ARMH4: variants seen among roughly 807,000 people sequenced by gnomAD.
The protein encoded by ARMH4 is armadillo like helical domain containing 4.
ARMH4 carries 49 observed loss-of-function variants against 61.9 expected under a neutral mutation model. The observed-to-expected ratio is 0.79, with a 90% confidence interval of 0.63 to 1.00. The LOEUF is 1.00. Ranked by LOEUF, ARMH4 falls within the 50% of genes least tolerant of loss-of-function variation. ARMH4 has a pLI of 0.00. For synonymous variants in ARMH4, 368 were observed against 341.5 expected (o/e 1.08, Z -0.85); for missense variants, 934 against 930.0 (o/e 1.00, Z -0.06).
chr14:58,077,270 T>C lies in ARMH4; in HGVS notation c.2089+19454A>G, dbSNP rs530665948. On this transcript the variant is annotated intron_variant, in intron 5 of 7. Coordinates refer to ENST00000267485, the MANE Select transcript of ARMH4 (RefSeq NM_001001872.4). Reference sequence around the variant, plus strand: ...ATTTAAAGATGGTAAAGAGTGAGAATTGATGAAACCATGTATCAGGCAGAG... The same window carrying C: ...ATTTAAAGATGGTAAAGAGTGAGAACTGATGAAACCATGTATCAGGCAGAG... Among the ~76,000 whole-genome samples the C allele has an allele frequency of 5.9e-5, 9 of 152,256 alleles. No individual in the cohort carries two copies. The South Asian group carries it at 1.9e-3, about 32-fold the overall frequency.
intron 1 of ARMH4, among the ~76,000 whole-genome samples, chr14:58,142,849 T>C (rs28565443): frequency 0.086 from 13,109 of 152,066 alleles, 837 homozygotes; most frequent in African/African-American, 0.18. Context: ...TGCATCAAGC[T>C]CCTAAGTAGG....
At chr14:58,099,463 T>C (rs912728920) in intron 4 of ARMH4, among the ~76,000 whole-genome samples, 7 of 152,052 alleles carry the variant, frequency 4.6e-5, no homozygotes, top group Non-Finnish European at 7.4e-5. Context: ...AGACTGAGGG[T>C]GTCCCTCTGG....
chr14:58,081,856 G>T (rs1885236412), intron 5 of ARMH4, among the ~76,000 whole-genome samples: 2 of 151,802 alleles, frequency 1.3e-5, no homozygotes, highest in African/African-American at 2.4e-5. Flanking sequence ...CTTTAAGGTA[G>T]TCATGTTGGG....
In ARMH4 at chr14:58,141,425, G is replaced by A. The variant is rs967573835; in HGVS notation, c.-56-2011C>T. 3.5e-5 allele frequency: 19 copies of A among 538,138 alleles called. 1 individual carries two copies. The highest frequency in any genetic ancestry group is 5.6e-5 in the Non-Finnish European group (15 of 267,398). 33.3% of individuals were successfully genotyped at this position (538,138 alleles called of 1,614,324 possible). A position where few individuals can be genotyped will look rare whatever the true frequency, so the allele number is the denominator to read the frequency against. ...CAGCGTCTGATATTTGCTGGGAAAC[G>A]GCTGGAGGATGGCCACACTCTCTCA... On this transcript the variant is annotated intron_variant, in intron 1 of 7. Transcript: ENST00000267485.
intron 4 of ARMH4, among the ~76,000 whole-genome samples, chr14:58,112,827 G>C (rs1886397661): frequency 6.6e-6 from 1 of 152,082 alleles, no homozygotes; most frequent in South Asian, 2.1e-4. Flanking sequence ...CACCATTGCT[G>C]CTAAGTCTGC....
chr14:58,146,263 T>G lies in ARMH4; in HGVS notation c.-57+5812A>C, dbSNP rs529975219. Among the ~76,000 whole-genome samples, 134 of 152,380 alleles carry G rather than the reference T, an allele frequency of 8.8e-4. 1 individual carries two copies. The highest frequency in any genetic ancestry group is 3.4e-3 in the Middle Eastern group (1 of 294). The stretch of plus-strand genomic sequence containing the variant: ...TTCCATTGCATATTAGAATTCTGTG[T>G]CTTAATTATCTTCAATTAACTCAAT... On this transcript the variant is annotated intron_variant, in intron 1 of 7. Coordinates refer to ENST00000267485, the MANE Select transcript of ARMH4 (RefSeq NM_001001872.4).
intron 5 of ARMH4, among the ~76,000 whole-genome samples, chr14:58,086,333 A>G (rs1304574540): frequency 6.6e-6 from 1 of 152,194 alleles, no homozygotes; most frequent in African/African-American, 2.4e-5. Context: ...AATACTCTCT[A>G]AAGTTTATGA....
chr14:58,125,209 A>T (rs1378421126), intron 4 of ARMH4, among the ~76,000 whole-genome samples: 1 of 152,162 alleles, frequency 6.6e-6, no homozygotes, highest in Non-Finnish European at 1.5e-5. Context: ...GACCCCTAGT[A>T]TGGGGTAATC....
intron 4 of ARMH4, 52 bp downstream of exon 4, chr14:58,131,460 C>T: frequency 7.0e-7 from 1 of 1,423,508 alleles, no homozygotes. Flanking sequence ...AACATTTGCT[C>T]AGTGACTCAC....
At chr14:58,110,304 T>C (rs1347499997) in intron 4 of ARMH4, among the ~76,000 whole-genome samples, 1 of 144,136 alleles carries the variant, frequency 6.9e-6, no homozygotes, top group Non-Finnish European at 1.5e-5. Flanking sequence ...AACTAACATA[T>C]GCATTACCTC....
chr14:58,096,367 G>T (rs1410218117), intron 5 of ARMH4, among the ~76,000 whole-genome samples: 1 of 152,158 alleles, frequency 6.6e-6, no homozygotes, highest in East Asian at 1.9e-4. Context: ...TCCCTGTGCG[G>T]ATGTCCTCCT....
At chr14:58,112,003 T>C (rs932026529) in intron 4 of ARMH4, among the ~76,000 whole-genome samples, 5 of 152,164 alleles carry the variant, frequency 3.3e-5, no homozygotes, top group African/African-American at 1.2e-4. Context: ...CCTCTTTCTC[T>C]TTTTATAAGG....
rs2295139 is a variant in ARMH4 at position 58,004,637 on chromosome 14, T to C, written c.*99A>G. The stretch of plus-strand genomic sequence containing the variant: ...GCAGACACTAGGACTAACGGCCTGA[T>C]AGCAGCAATGTGGCAGGTTGTTCTT... On this transcript the variant is annotated 3_prime_UTR_variant, in exon 8 of 8. Coordinates refer to ENST00000267485, the MANE Select transcript of ARMH4 (RefSeq NM_001001872.4). The C allele has an allele frequency of 0.18, 187,540 of 1,026,328 alleles. 17,958 individuals are homozygous for C. Among genetic ancestry groups the C allele is most frequent in the South Asian group, 0.23 (15,740 of 68,260 alleles). 63.6% of individuals were successfully genotyped at this position (1,026,328 alleles called of 1,614,324 possible).
intron 5 of ARMH4, among the ~76,000 whole-genome samples, chr14:58,051,276 A>G (rs72714788): frequency 0.06 from 9,082 of 152,280 alleles, 351 homozygotes; most frequent in Non-Finnish European, 0.088. Flanking sequence ...TGATGACTTC[A>G]GAAAATACCA....
chr14:58,112,840 TCA>T (rs1352765596), intron 4 of ARMH4, among the ~76,000 whole-genome samples: 1 of 152,174 alleles, frequency 6.6e-6, no homozygotes, highest in East Asian at 1.9e-4. Flanking sequence ...AAGTCTGCTC[TCA>T]GTCTAAATTT....
chr14:58,093,912 T>C (rs1385463966), intron 5 of ARMH4, among the ~76,000 whole-genome samples: 1 of 152,150 alleles, frequency 6.6e-6, no homozygotes, highest in East Asian at 1.9e-4. Context: ...CAGCAGAAAG[T>C]AAGAGACACC....
chr14:58,143,328 A>G (rs1887626864), intron 1 of ARMH4, among the ~76,000 whole-genome samples: 1 of 152,238 alleles, frequency 6.6e-6, no homozygotes. Flanking sequence ...AGAGATGACT[A>G]GAAGAAACAT....
chr14:58,110,337 G>T (rs1045354570), intron 4 of ARMH4, among the ~76,000 whole-genome samples: 7 of 152,176 alleles, frequency 4.6e-5, no homozygotes, highest in Admixed American at 3.9e-4. Context: ...TCTGTGCTGA[G>T]AACGTTTAAC....
intron 5 of ARMH4, among the ~76,000 whole-genome samples, chr14:58,052,512 A>T (rs2141202152): frequency 6.6e-6 from 1 of 152,058 alleles, no homozygotes; most frequent in Middle Eastern, 3.4e-3. Context: ...CTCTGGGTGC[A>T]TTCCCTCAGT....
Sources: allele counts gnomAD v4.1 joint callset (sites outside exome capture counted in the v4.1 genomes callset), GRCh38; gene constraint gnomAD v4.1.1; transcripts MANE v1.5; gene names NCBI Gene and HGNC (gene_info 2026-07-23, HGNC 2026-07-21).